The following PTPRT variants were observed in gnomAD, a reference collection of about 807,000 sequenced individuals.
PTPRT encodes receptor-type tyrosine-protein phosphatase T.
In PTPRT, 56 loss-of-function variants were observed where a neutral mutation model predicts 176.8. That is an observed-to-expected ratio of 0.32 (90% CI 0.26 to 0.40). The LOEUF is 0.40. PTPRT is among the 10% of genes least tolerant of loss of function. The pLI is 1.00. For missense variants in PTPRT, 1,540 were observed against 1,908.2 expected (o/e 0.81, Z 3.60); for synonymous variants, 783 against 739.0 (o/e 1.06, Z -0.96).
chr20:42,416,689 A>G (rs1439646211), intron 9 of PTPRT, among the ~76,000 whole-genome samples: 1 of 152,208 alleles, frequency 6.6e-6, no homozygotes, highest in Non-Finnish European at 1.5e-5. Context: ...TCTGTATTAG[A>G]GTAACAGTGT....
At chr20:43,000,934 T>C (rs1201878181) in intron 1 of PTPRT, among the ~76,000 whole-genome samples, 6 of 152,056 alleles carry the variant, frequency 3.9e-5, no homozygotes, top group African/African-American at 1.4e-4. Flanking sequence ...ATACCAAGGA[T>C]TAAAATAGAA....
intron 9 of PTPRT, among the ~76,000 whole-genome samples, chr20:42,431,124 A>G (rs1168619742): frequency 6.6e-6 from 1 of 152,208 alleles, no homozygotes; most frequent in Non-Finnish European, 1.5e-5. Flanking sequence ...TAGGACTACA[A>G]TACATTTTGA....
At chr20:43,112,086 A>G (rs1294371839) in intron 1 of PTPRT, among the ~76,000 whole-genome samples, 2 of 152,254 alleles carry the variant, frequency 1.3e-5, no homozygotes, top group African/African-American at 4.8e-5. Context: ...GCAATGCAAC[A>G]AAGAAACCCA....
At chr20:42,625,109 G>C (rs949131688) in intron 7 of PTPRT, among the ~76,000 whole-genome samples, 3 of 152,272 alleles carry the variant, frequency 2.0e-5, no homozygotes, top group Middle Eastern at 3.4e-3. Context: ...AATAACTGCA[G>C]AATCAGTGGT....
At chr20:42,618,064 C>T (rs2074115628) in intron 7 of PTPRT, among the ~76,000 whole-genome samples, 2 of 136,634 alleles carry the variant, frequency 1.5e-5, no homozygotes, top group African/African-American at 6.5e-5. Context: ...CCTGCTTTCT[C>T]TTGTGGGCAT....
intron 1 of PTPRT, among the ~76,000 whole-genome samples, chr20:43,037,970 G>A (rs935170657): frequency 6.6e-6 from 1 of 151,992 alleles, no homozygotes; most frequent in African/African-American, 2.4e-5. Flanking sequence ...CCCTTGTCTG[G>A]GGGTCTGCTG....
At chr20:42,448,130 A>C (rs2145852257) in intron 9 of PTPRT, 90 bp downstream of exon 9, 1 of 1,001,450 alleles carries the variant, frequency 1.0e-6, no homozygotes, top group East Asian at 2.4e-5. Flanking sequence ...TCACCTTTAT[A>C]CGTTCAGCAG....
At chr20:43,027,336 T>C (rs913286565) in intron 1 of PTPRT, among the ~76,000 whole-genome samples, 1 of 151,810 alleles carries the variant, frequency 6.6e-6, no homozygotes, top group Non-Finnish European at 1.5e-5. Flanking sequence ...ATTAGCTGGG[T>C]ATGGTGGCGG....
chr20:42,321,668 G>A (rs1353894380), intron 11 of PTPRT, among the ~76,000 whole-genome samples: 1 of 152,078 alleles, frequency 6.6e-6, no homozygotes, highest in African/African-American at 2.4e-5. Context: ...TTGTTTACTG[G>A]CTTTACTGCT....
chr20:42,245,666 T>C (rs1025615108), intron 14 of PTPRT, among the ~76,000 whole-genome samples: 8 of 152,156 alleles, frequency 5.3e-5, no homozygotes, highest in African/African-American at 1.9e-4. Context: ...TCTAGTTCTG[T>C]GTCATAAAAG....
intron 13 of PTPRT, among the ~76,000 whole-genome samples, chr20:42,259,731 A>C (rs2056714097): frequency 6.6e-6 from 1 of 152,230 alleles, no homozygotes; most frequent in South Asian, 2.1e-4. Context: ...AGAGATCAGG[A>C]GTCAACTTAC....
chr20:42,847,395 C>A (rs60222138), intron 2 of PTPRT, among the ~76,000 whole-genome samples: 28,632 of 152,098 alleles, frequency 0.19, 2,785 homozygotes, highest in Admixed American at 0.23. Context: ...TGATTTCTGG[C>A]CATACAGAAG....
At position 42,119,960 on chromosome 20, in the gene PTPRT, T is replaced by C; in HGVS notation, c.2859A>G (p.Arg953=). 1 of 1,608,166 alleles carries C rather than the reference T, an allele frequency of 6.2e-7. No individual in the cohort carries two copies. Among genetic ancestry groups the C allele is most frequent in the Non-Finnish European group, 8.5e-7 (1 of 1,177,234 alleles). ...CTTGAGTCGCAATGTAGTGCCGAGG[T>C]CGATGGTATCCCTGGATAACAGGAG... ...INANYIDGYH[R]PRHYIATQGP... The change falls in exon 20 of 31, where the codon CGA becomes CGG. Residue 953 remains arginine (R), a synonymous_variant. Coordinates refer to ENST00000373187, the MANE Select transcript of PTPRT (RefSeq NM_007050.6).
At chr20:42,804,950 A>G (rs1345024468) in intron 2 of PTPRT, among the ~76,000 whole-genome samples, 1 of 152,162 alleles carries the variant, frequency 6.6e-6, no homozygotes, top group African/African-American at 2.4e-5. Context: ...ATAAGGTCAC[A>G]TTTTGAGATA....
chr20:42,991,897 T>C (rs749324544), intron 1 of PTPRT, among the ~76,000 whole-genome samples: 5 of 152,110 alleles, frequency 3.3e-5, no homozygotes, highest in Non-Finnish European at 5.9e-5. Context: ...TCCCAGCCCA[T>C]AAAAATTTCT....
chr20:42,719,210 C>T lies in PTPRT; in HGVS notation c.859+37252G>A, dbSNP rs556173367. On this transcript the variant is annotated intron_variant, in intron 6 of 30. Transcript: ENST00000373187. ...ATCGTAAGTTCAGCAGAACTGTCCG[C>T]GCAAGAGATATGGGTGTGGGAGTCA... is the stretch of plus-strand genomic sequence containing the variant. Among the ~76,000 whole-genome samples the T allele has an allele frequency of 9.1e-4, 138 of 152,222 alleles. 1 individual carries two copies. The highest frequency in any genetic ancestry group is 3.2e-3 in the African/African-American group (131 of 41,516).
chr20:42,788,757 G>A (rs2077329482), intron 3 of PTPRT, among the ~76,000 whole-genome samples: 1 of 152,210 alleles, frequency 6.6e-6, no homozygotes, highest in African/African-American at 2.4e-5. Flanking sequence ...ATGAGAATGA[G>A]CAGAACCAGC....
intron 1 of PTPRT, among the ~76,000 whole-genome samples, chr20:43,184,866 C>T (rs1012359629): frequency 6.6e-6 from 1 of 152,154 alleles, no homozygotes; most frequent in Non-Finnish European, 1.5e-5. Flanking sequence ...GCAACTCTTA[C>T]CAATAGATAA....
At chr20:42,290,142 T>C (rs984695206) in intron 12 of PTPRT, among the ~76,000 whole-genome samples, 4 of 152,084 alleles carry the variant, frequency 2.6e-5, no homozygotes, top group Non-Finnish European at 5.9e-5. Context: ...ATGAGCACTT[T>C]CTTTGTTCTC....
Sources: allele counts gnomAD v4.1 joint callset (sites outside exome capture counted in the v4.1 genomes callset), GRCh38; gene constraint gnomAD v4.1.1; transcripts MANE v1.5; gene names NCBI Gene and HGNC (gene_info 2026-07-23, HGNC 2026-07-21).